Variants in TRPC7 observed in about 807,000 individuals in gnomAD.
TRPC7 encodes transient receptor potential cation channel subfamily C member 7, also known as short transient receptor potential channel 7.
TRPC7 carries 42 observed loss-of-function variants against 90.1 expected under a neutral mutation model. That is an observed-to-expected ratio of 0.47 (90% CI 0.36 to 0.60). The LOEUF is 0.60. TRPC7 is among the 20% of genes least tolerant of loss of function. TRPC7 has a pLI of 0.00. For missense variants in TRPC7, 955 were observed against 1,112.3 expected (o/e 0.86, Z 2.01); for synonymous variants, 451 against 436.3 (o/e 1.03, Z -0.42).
At chr5:136,233,896 T>C (rs528709643) in intron 7 of TRPC7, among the ~76,000 whole-genome samples, 1 of 152,220 alleles carries the variant, frequency 6.6e-6, no homozygotes, top group Non-Finnish European at 1.5e-5. Context: ...TGAGCCCTGA[T>C]TTATCCTTGG....
chr5:136,274,168 GCT>G (rs1454377769), intron 4 of TRPC7, among the ~76,000 whole-genome samples: 1 of 152,192 alleles, frequency 6.6e-6, no homozygotes, highest in Non-Finnish European at 1.5e-5. Context: ...CCCAGCATGA[GCT>G]GTGTTTGACT....
intron 2 of TRPC7, among the ~76,000 whole-genome samples, chr5:136,334,643 G>A (rs1472093857): frequency 6.6e-6 from 1 of 152,046 alleles, no homozygotes; most frequent in East Asian, 1.9e-4. Flanking sequence ...TTATTCTTTG[G>A]GTCCAATAGC....
intron 4 of TRPC7, among the ~76,000 whole-genome samples, chr5:136,270,494 G>A (rs1247261994): frequency 6.6e-6 from 1 of 152,150 alleles, no homozygotes; most frequent in Non-Finnish European, 1.5e-5. Context: ...TCACACAAAG[G>A]TGGACCCAAA....
At chr5:136,256,642 C>G (rs962979861) in intron 5 of TRPC7, among the ~76,000 whole-genome samples, 1 of 152,146 alleles carries the variant, frequency 6.6e-6, no homozygotes, top group Non-Finnish European at 1.5e-5. Context: ...CCATCTTGCT[C>G]TTTTAGTCTT....
intron 4 of TRPC7, among the ~76,000 whole-genome samples, chr5:136,271,033 T>A (rs1411248086): frequency 1.3e-5 from 2 of 152,164 alleles, no homozygotes; most frequent in Non-Finnish European, 2.9e-5. Context: ...ACCACATGGT[T>A]TGAGGACCCC....
intron 2 of TRPC7, among the ~76,000 whole-genome samples, chr5:136,324,221 A>C (rs1278646684): frequency 6.6e-6 from 1 of 152,172 alleles, no homozygotes; most frequent in Non-Finnish European, 1.5e-5. Context: ...ATAGACAAAC[A>C]TGTTGTCTGA....
intron 7 of TRPC7, among the ~76,000 whole-genome samples, chr5:136,236,873 AC>A (rs1554108809): frequency 1.7e-4 from 26 of 152,178 alleles, no homozygotes; most frequent in Non-Finnish European, 4.4e-5. Flanking sequence ...CAGTTCAGTT[AC>A]CTAATCAAAT....
At chr5:136,227,199 T>C (rs1755655922) in intron 8 of TRPC7, among the ~76,000 whole-genome samples, 1 of 152,042 alleles carries the variant, frequency 6.6e-6, no homozygotes, top group Non-Finnish European at 1.5e-5. Flanking sequence ...CCCCTGAGAG[T>C]AGCAGGTGTA....
intron 3 of TRPC7, among the ~76,000 whole-genome samples, chr5:136,281,216 A>C (rs1757541625): frequency 6.6e-6 from 1 of 152,128 alleles, no homozygotes; most frequent in African/African-American, 2.4e-5. Flanking sequence ...TCAGAAATAC[A>C]CAAGAAGGGC....
At chr5:136,306,472 C>A (rs1033874165) in intron 3 of TRPC7, among the ~76,000 whole-genome samples, 2 of 152,192 alleles carry the variant, frequency 1.3e-5, no homozygotes, top group South Asian at 2.1e-4. Flanking sequence ...AAACATCGCC[C>A]ATTCTCTCTC....
rs553050414 is a variant in TRPC7 at position 136,247,556 on chromosome 5, T to C, written c.1759A>G (p.Ile587Val). ...ATCATGAAGGCCACAAATACCATGA[T>C]GAAAATGACCATGAACTTGAAGATA... ...KDIFKFMVIF[I>V]MVFVAFMIGM... is the part of the protein sequence containing the mutation. The change falls in exon 7 of 12, where the codon ATC becomes GTC. Residue 587 changes from isoleucine (I) to valine (V), a missense_variant. By Grantham distance (29) the Ile-to-Val change is conservative. Coordinates refer to ENST00000513104, the MANE Select transcript of TRPC7 (RefSeq NM_020389.3). The surrounding 1 kb of genome is among the most constrained non-coding windows in gnomAD (Gnocchi z 4.2). The C allele has an allele frequency of 1.2e-6, 2 of 1,613,958 alleles. No individual in the cohort carries two copies. The highest frequency in any genetic ancestry group is 2.7e-5 in the African/African-American group (2 of 75,014).
At chr5:136,251,924 T>G in intron 5 of TRPC7, 42 bp from the exon 6 acceptor site, 74 of 1,547,818 alleles carry the variant, frequency 4.8e-5, no homozygotes, top group Non-Finnish European at 6.2e-5. Context: ...TTCGTTTCTC[T>G]TGGCATTTGT....
At position 136,245,657 on chromosome 5, in the gene TRPC7, C is replaced by G. The variant is rs181733954; in HGVS notation, c.1844+1814G>C. Among the ~76,000 whole-genome samples the G allele has an allele frequency of 2.0e-5, 3 of 152,240 alleles. No homozygotes were observed. The East Asian group carries it at 5.8e-4, about 29-fold the overall frequency. On this transcript the variant is annotated intron_variant, in intron 7 of 11. Coordinates refer to ENST00000513104, the MANE Select transcript of TRPC7 (RefSeq NM_020389.3). The stretch of plus-strand genomic sequence containing the variant: ...TCCTGGCTGCTGTGCTGGGATTCCA[C>G]AAGGCTGAAAACCTGACTATCCTCC...
chr5:136,221,021 TATAGATATAGAAA>T (rs1439390135), intron 10 of TRPC7, among the ~76,000 whole-genome samples: 117 of 152,164 alleles, frequency 7.7e-4, no homozygotes, highest in African/African-American at 2.7e-3. Context: ...AGAAAATAGA[TATAGATATAGAAA>T]ATAGATATAG....
At chr5:136,240,485 G>A (rs905763053) in intron 7 of TRPC7, among the ~76,000 whole-genome samples, 1 of 152,232 alleles carries the variant, frequency 6.6e-6, no homozygotes, top group Non-Finnish European at 1.5e-5. Flanking sequence ...CTTTGGAATA[G>A]AAACCTGCTC....
intron 9 of TRPC7, 120 bp from the exon 10 acceptor site, chr5:136,225,474 A>C (rs1755596782): frequency 2.2e-6 from 2 of 922,094 alleles, no homozygotes; most frequent in Non-Finnish European, 3.3e-6. Flanking sequence ...CAGCTTTTGA[A>C]AGCTGATTTA....
At chr5:136,345,334 T>A (rs1364477055) in intron 2 of TRPC7, among the ~76,000 whole-genome samples, 1 of 152,140 alleles carries the variant, frequency 6.6e-6, no homozygotes, top group Non-Finnish European at 1.5e-5. Context: ...GGCGGGCAGA[T>A]CACCTGAGGT....
chr5:136,256,432 A>G (rs867500504), intron 5 of TRPC7, among the ~76,000 whole-genome samples: 17 of 152,274 alleles, frequency 1.1e-4, no homozygotes, highest in Middle Eastern at 6.8e-3. Context: ...AATTCCCCCC[A>G]TAGAGAGAGA....
At chr5:136,347,818 A>G (rs1760057885) in intron 2 of TRPC7, among the ~76,000 whole-genome samples, 5 of 152,142 alleles carry the variant, frequency 3.3e-5, no homozygotes, top group Admixed American at 1.3e-4. Flanking sequence ...TCCTGTCCCT[A>G]TTCCTCTCCA....
Sources: gnomAD v4.1 joint callset for allele counts (sites outside exome capture counted in the v4.1 genomes callset) on GRCh38, gnomAD v4.1.1 for gene constraint, Gnocchi (gnomAD v3.1) non-coding constraint, MANE v1.5 for transcripts, NCBI Gene and HGNC (gene_info 2026-07-23, HGNC 2026-07-21) for gene names.